IMP4: variants seen among roughly 807,000 people sequenced by gnomAD.
IMP4 encodes the protein IMP U3 small nucleolar ribonucleoprotein 4, also known as U3 small nucleolar ribonucleoprotein IMP4.
Under a neutral mutation model 42.7 loss-of-function variants are expected in IMP4, and 30 were observed. That is an observed-to-expected ratio of 0.70 (90% CI 0.53 to 0.95). The LOEUF (loss-of-function observed/expected upper bound fraction) is 0.95, where lower values mean the gene tolerates loss of function less well. Among genes scored for constraint, IMP4 ranks in the 40% least tolerant of loss-of-function variants. The pLI, the probability that IMP4 is intolerant of heterozygous loss-of-function variation, is 0.00. For missense variants in IMP4, 382 were observed against 411.4 expected, an observed-to-expected ratio of 0.93 and a Z score of 0.62; for synonymous variants, 165 against 165.2, an observed-to-expected ratio of 1.00 and a Z score of 0.01.
chr2:130,343,262 C>A, intron 2 of IMP4, 68 bp downstream of exon 2: 2 of 1,137,120 alleles, frequency 1.8e-6, no homozygotes, highest in Non-Finnish European at 2.6e-6. Flanking sequence ...TTCGAATATC[C>A]GAGCGTCTTT....
rs534824876 is a variant in IMP4 at position 130,343,383 on chromosome 2, G to C, written c.112+189G>C. 305 of 716,684 alleles carry C rather than the reference G, an allele frequency of 4.3e-4. 2 individuals are homozygous for C. The Middle Eastern group carries it at 0.012, about 28-fold the overall frequency. 44.4% of individuals were successfully genotyped at this position (716,684 alleles called of 1,614,324 possible). A position where few individuals can be genotyped will look rare whatever the true frequency, so the allele number is the denominator to read the frequency against. On this transcript the variant is annotated intron_variant, in intron 2 of 8. Coordinates refer to ENST00000259239, the MANE Select transcript of IMP4 (RefSeq NM_033416.3). ...CTTGTCACTGACGTTGCAGTACCCG[G>C]GTTTTGCAGCTTGCCCGCTGTGTGC...
Position 130,345,338 on chromosome 2 carries a change from C to T in IMP4, c.197-38C>T. 1.3e-6 allele frequency: 2 copies of T among 1,537,508 alleles called. No homozygotes were observed. Among genetic ancestry groups the T allele is most frequent in the Non-Finnish European group, 1.8e-6 (2 of 1,114,524 alleles). On this transcript the variant is annotated intron_variant, in intron 3 of 8. Coordinates refer to ENST00000259239, the MANE Select transcript of IMP4 (RefSeq NM_033416.3). The surrounding 1 kb of genome is among the most constrained non-coding windows in gnomAD (Gnocchi z 4.9). Reference sequence around the variant, plus strand: ...TGCCCCGAAGTTAGCATTTCATTCCCAAGACTGTCATGTTCTTGCCCCTCG... The same window carrying T: ...TGCCCCGAAGTTAGCATTTCATTCCTAAGACTGTCATGTTCTTGCCCCTCG...
At position 130,345,449 on chromosome 2, in the gene IMP4, C is replaced by T; in HGVS notation, c.270C>T (p.Ser90=). The T allele has an allele frequency of 6.2e-7, 1 of 1,614,076 alleles. No individual in the cohort carries two copies. The highest frequency in any genetic ancestry group is 8.5e-7 in the Non-Finnish European group (1 of 1,180,000). The change falls in exon 4 of 9, where the codon TCC becomes TCT. Residue 90 remains serine, a synonymous_variant. Transcript: ENST00000259239. The surrounding 1 kb of genome is among the most constrained non-coding windows in gnomAD (Gnocchi z 4.9). The part of the protein sequence containing the change: ...VEDPKVMITT[S]RDPSSRLKMF... ...ATCCCAAGGTTATGATCACTACCTCCCGAGACCCCAGTTCCCGCCTCAAGA... is the reference window on the plus strand; with the variant it reads ...ATCCCAAGGTTATGATCACTACCTCTCGAGACCCCAGTTCCCGCCTCAAGA...
At position 130,342,924 on chromosome 2, in the gene IMP4, G is replaced by T. The variant is rs756812847; in HGVS notation, c.-9G>T. The T allele has an allele frequency of 1.9e-6, 3 of 1,614,098 alleles. 1 individual carries two copies. The South Asian group carries it at 3.3e-5, about 18-fold the overall frequency. ...ATTCTCCCGGACCCACGTGGAAGCG[G>T]CACTCAAGATGGTAGGAGAATGAGC... is the stretch of plus-strand genomic sequence containing the variant. On this transcript the variant is annotated 5_prime_UTR_variant, in exon 1 of 9. Transcript: ENST00000259239.
At position 130,344,714 on chromosome 2, in the gene IMP4, T is replaced by TAAC. The variant is rs1306598332; in HGVS notation, c.196+3_196+5dup. On this transcript the variant is annotated splice_region_variant and intron_variant, in intron 3 of 8. Transcript: ENST00000259239. ...AGTTTGATGATGCTGGAGGTGAAGGTAACTATACAAGGTAGCCCTCCCCAA... is the reference window on the plus strand; with the variant it reads ...AGTTTGATGATGCTGGAGGTGAAGGTAACAACTATACAAGGTAGCCCTCCCCAA... 47 of 1,606,632 alleles carry TAAC rather than the reference T, an allele frequency of 2.9e-5. No homozygotes were observed. The highest frequency in any genetic ancestry group is 3.7e-5 in the Non-Finnish European group (43 of 1,173,390).
At position 130,345,865 on chromosome 2, in the gene IMP4, C is replaced by G. The variant is rs770174999; in HGVS notation, c.526C>G (p.Leu176Val). Residue 176 changes from leucine to valine, a missense_variant, in exon 6 of 9, where the codon CTG becomes GTG. Transcript: ENST00000259239. This position sits in a 1 kb window ranked among gnomAD's most constrained non-coding sequence, Gnocchi z 4.9. ...NVVMRHDIPD[L>V]GTMSEAKPHL... ...GGTCATGCGGCATGACATCCCAGAC[C>G]TGGGCACCATGTCGGAGGCCAAGCC... 5 of 1,614,212 alleles carry G rather than the reference C, an allele frequency of 3.1e-6. No individual in the cohort carries two copies. The Admixed American group carries it at 5.0e-5, about 16-fold the overall frequency.
In IMP4 at chr2:130,345,076, G is replaced by A. The variant is rs1679417798; in HGVS notation, c.197-300G>A. On this transcript the variant is annotated intron_variant, in intron 3 of 8. Coordinates refer to ENST00000259239, the MANE Select transcript of IMP4 (RefSeq NM_033416.3). This position sits in a 1 kb window ranked among gnomAD's most constrained non-coding sequence, Gnocchi z 4.9. ...TAGATATTTGTTACGAGGGAAAAGA[G>A]TTTGTCACCGTTGGCCTTAGCAGAG... 2 of 552,372 alleles carry A rather than the reference G, an allele frequency of 3.6e-6. No homozygotes were observed. The highest frequency in any genetic ancestry group is 6.5e-6 in the Non-Finnish European group (2 of 308,554). The allele number at this position is 552,372 out of a possible 1,614,324, so 34.2% of individuals were successfully genotyped here.
Position 130,344,722 on chromosome 2 carries a change from C to T in IMP4, c.196+10C>T, listed in dbSNP as rs1375954185. The T allele has an allele frequency of 3.8e-6, 6 of 1,586,320 alleles. No individual in the cohort carries two copies. Among genetic ancestry groups the T allele is most frequent in the Non-Finnish European group, 5.2e-6 (6 of 1,154,906 alleles). On this transcript the variant is annotated intron_variant, in intron 3 of 8. Coordinates refer to ENST00000259239, the MANE Select transcript of IMP4 (RefSeq NM_033416.3). ...GATGCTGGAGGTGAAGGTAACTATACAAGGTAGCCCTCCCCAACACTGAGC... is the reference window on the plus strand; with the variant it reads ...GATGCTGGAGGTGAAGGTAACTATATAAGGTAGCCCTCCCCAACACTGAGC...
Position 130,345,379 on chromosome 2 carries a change from T to TG in IMP4, c.201dup (p.Thr68AspfsTer6). The TG allele has an allele frequency of 6.2e-7, 1 of 1,613,432 alleles. No homozygotes were observed. The highest frequency in any genetic ancestry group is 8.5e-7 in the Non-Finnish European group (1 of 1,179,538). ...TTGCCCCTCGTGCTCCTGACAGGTG[T>TG]GACCAGCCACGTGGATGATGAATAC... On this transcript the variant is annotated frameshift_variant, in exon 4 of 9. Transcript: ENST00000259239. LOFTEE classifies it high-confidence loss of function. This position sits in a 1 kb window ranked among gnomAD's most constrained non-coding sequence, Gnocchi z 4.9.
rs1346792355 is a variant in IMP4 at position 130,345,137 on chromosome 2, C to A, written c.197-239C>A. 2 of 583,754 alleles carry A rather than the reference C, an allele frequency of 3.4e-6. No individual in the cohort carries two copies. The highest frequency in any genetic ancestry group is 6.1e-6 in the Non-Finnish European group (2 of 326,490). 36.2% of individuals were successfully genotyped at this position (583,754 alleles called of 1,614,324 possible). ...GTTGTGTAATGGAGTAGCTGCTTAG[C>A]CCCATGTGACTAATATAGCTTAAGC... is the stretch of plus-strand genomic sequence containing the variant. On this transcript the variant is annotated intron_variant, in intron 3 of 8. Coordinates refer to ENST00000259239, the MANE Select transcript of IMP4 (RefSeq NM_033416.3). This position sits in a 1 kb window ranked among gnomAD's most constrained non-coding sequence, Gnocchi z 4.9.
chr2:130,346,206 A>T lies in IMP4; in HGVS notation c.695A>T (p.His232Leu). The change falls in exon 8 of 9, where the codon CAT becomes CTT. Residue 232 changes from histidine (H) to leucine (L), a missense_variant. Physicochemically the swap from His to Leu is moderately conservative, Grantham distance 99 (BLOSUM62 -3). Coordinates refer to ENST00000259239, the MANE Select transcript of IMP4 (RefSeq NM_033416.3). ...CCACAGCTGTTCCCTCCCAGGCACC[A>T]TGTGTATAAGAAGACAGACCACCGC... ...NQDDYISFRH[H>L]VYKKTDHRNV... 6.2e-7 allele frequency: 1 copy of T among 1,614,072 alleles called. No individual in the cohort carries two copies. Among genetic ancestry groups the T allele is most frequent in the Non-Finnish European group, 8.5e-7 (1 of 1,180,000 alleles).
At position 130,346,008 on chromosome 2, in the gene IMP4, T is replaced by C. The variant is rs772663786; in HGVS notation, c.595-10T>C. The C allele has an allele frequency of 9.2e-5, 149 of 1,614,008 alleles. No homozygotes were observed. The highest frequency in any genetic ancestry group is 1.3e-4 in the Non-Finnish European group (148 of 1,180,028). ...GCCACTCTGTTTCCCTCTCTTTCCT[T>C]GTGCCCCAGGTCTCTGACATCCTCC... On this transcript the variant is annotated splice_polypyrimidine_tract_variant and intron_variant, in intron 6 of 8. Coordinates refer to ENST00000259239, the MANE Select transcript of IMP4 (RefSeq NM_033416.3).
rs79014886 is a variant in IMP4 at position 130,343,343 on chromosome 2, T to C, written c.112+149T>C. On this transcript the variant is annotated intron_variant, in intron 2 of 8. Coordinates refer to ENST00000259239, the MANE Select transcript of IMP4 (RefSeq NM_033416.3). ...TGGTTTTGAGAGTGTTTCTTCCGTG[T>C]GATGGTATTAATTACTTGTCACTGA... 245 of 727,860 alleles carry C rather than the reference T, an allele frequency of 3.4e-4. 2 individuals carry two copies. Among genetic ancestry groups the C allele is most frequent in the East Asian group, 2.6e-3 (96 of 37,334 alleles). 45.1% of individuals were successfully genotyped at this position (727,860 alleles called of 1,614,324 possible). A position where few individuals can be genotyped will look rare whatever the true frequency, so the allele number is the denominator to read the frequency against.
In IMP4 at chr2:130,346,688, G is replaced by A. The variant is rs1679604231; in HGVS notation, c.*220G>A. The A allele has an allele frequency of 1.7e-6, 1 of 595,180 alleles. No individual in the cohort carries two copies. Among genetic ancestry groups the A allele is most frequent in the African/African-American group, 1.9e-5 (1 of 53,980 alleles). The allele number at this position is 595,180 out of a possible 1,614,324, so 36.9% of individuals were successfully genotyped here. ...CAAAGCCCATGGGATCCCTTTGGGT[G>A]GGGACCTGATGGCTGTGGGACGTGC... is the stretch of plus-strand genomic sequence containing the variant. On this transcript the variant is annotated 3_prime_UTR_variant, in exon 9 of 9. Coordinates refer to ENST00000259239, the MANE Select transcript of IMP4 (RefSeq NM_033416.3).
Position 130,346,280 on chromosome 2 carries a change from T to A in IMP4, c.763+6T>A. On this transcript the variant is annotated splice_donor_region_variant and intron_variant, in intron 8 of 8. Transcript: ENST00000259239. ...GCCCCGCTTTGAGCTGAAGCGTGAG[T>A]TTGAGGCTGAATCCCGTGTCTGGGG... 1 of 1,613,802 alleles carries A rather than the reference T, an allele frequency of 6.2e-7. No individual in the cohort carries two copies. Among genetic ancestry groups the A allele is most frequent in the Non-Finnish European group, 8.5e-7 (1 of 1,179,884 alleles).
chr2:130,344,873 C>T, intron 3 of IMP4, 161 bp downstream of exon 3: 3 of 621,660 alleles, frequency 4.8e-6, no homozygotes, highest in Non-Finnish European at 5.8e-6. Flanking sequence ...CCTGAGTGTG[C>T]CCTGTCCCAC....
Position 130,346,639 on chromosome 2 carries a change from A to C in IMP4, c.*171A>C. On this transcript the variant is annotated 3_prime_UTR_variant, in exon 9 of 9. Transcript: ENST00000259239. ...TGTGTCATGGCCCCGCCTGCCTCTG[A>C]GTGGTCAGGCCAAGTCTGCAGGGCA... 1 of 643,978 alleles carries C rather than the reference A, an allele frequency of 1.6e-6. No homozygotes were observed. Among genetic ancestry groups the C allele is most frequent in the Non-Finnish European group, 2.8e-6 (1 of 361,678 alleles). The allele number at this position is 643,978 out of a possible 1,614,324, so 39.9% of individuals were successfully genotyped here.
chr2:130,346,109 T>A lies in IMP4; in HGVS notation c.686T>A (p.Phe229Tyr). 6.2e-7 allele frequency: 1 copy of A among 1,614,074 alleles called. No homozygotes were observed. Among genetic ancestry groups the A allele is most frequent in the Non-Finnish European group, 8.5e-7 (1 of 1,179,970 alleles). ...GCAAACCAGGACGACTACATATCATTCCGGTGGGTCCACGGGCCATGCCCC... is the reference window on the plus strand; with the variant it reads ...GCAAACCAGGACGACTACATATCATACCGGTGGGTCCACGGGCCATGCCCC... ...TFANQDDYIS[F>Y]RHHVYKKTDH... Residue 229 changes from phenylalanine to tyrosine, a missense_variant, in exon 7 of 9, where the codon TTC becomes TAC. Transcript: ENST00000259239.
At chr2:130,344,538 A>G (rs1363128500) in intron 2 of IMP4, 91 bp from the exon 3 acceptor site, 2 of 856,656 alleles carry the variant, frequency 2.3e-6, no homozygotes, top group African/African-American at 1.7e-5. Context: ...TTTTATTTCA[A>G]GCATGTGCAG....
Sources: allele counts gnomAD v4.1 joint callset, GRCh38; gene constraint gnomAD v4.1.1; non-coding constraint Gnocchi (gnomAD v3.1); transcripts MANE v1.5; gene names NCBI Gene and HGNC (gene_info 2026-07-23, HGNC 2026-07-21).